Variants in ACVR2B observed in about 807,000 individuals in gnomAD.
ACVR2B encodes the protein activin A receptor type 2B.
A neutral mutation model predicts 65.1 loss-of-function variants in ACVR2B; 18 were observed. The ratio of observed to expected loss-of-function variants is 0.28; its 90% CI spans 0.19 to 0.41. ACVR2B has a LOEUF of 0.41. Ranked by LOEUF, ACVR2B falls within the 10% of genes least tolerant of loss-of-function variation. The probability of loss-of-function intolerance (pLI) is 1.00; values close to 1 mark genes in which losing one functional copy is unlikely to be tolerated. For synonymous variants in ACVR2B, 298 were observed against 277.7 expected (o/e 1.07, Z -0.73); for missense variants, 482 against 682.7 (o/e 0.71, Z 3.28).
chr3:38,459,430 C>T (rs373852294), intron 1 of ACVR2B: 14 of 218,384 alleles, frequency 6.4e-5, no homozygotes, highest in Non-Finnish European at 1.0e-4. Context: ...CTCTTCCTCC[C>T]GTACACGCAG....
intron 1 of ACVR2B, among the ~76,000 whole-genome samples, chr3:38,459,233 G>A (rs549469158): frequency 1.7e-4 from 26 of 152,330 alleles, no homozygotes; most frequent in African/African-American, 5.5e-4. Flanking sequence ...TGCTCAGCAC[G>A]TGAGAGTTTG....
rs1710015660 is a variant in ACVR2B, at chr3:38,481,394, G to A, written c.1003G>A (p.Ala335Thr). The A allele has an allele frequency of 6.2e-7, 1 of 1,614,244 alleles. No individual in the cohort carries two copies. The highest frequency in any genetic ancestry group is 8.5e-7 in the Non-Finnish European group (1 of 1,180,046). Residue 335 changes from alanine (A) to threonine (T), a missense_variant, in exon 8 of 11, where the codon GCC becomes ACC. Ala to Thr is a moderately conservative substitution (Grantham distance 58). Transcript: ENST00000352511. The surrounding 1 kb of genome is among the most constrained non-coding windows in gnomAD (Gnocchi z 4.7). ...TGTATTGCTGAAGAGCGACCTCACA[G>A]CCGTGCTGGCTGACTTTGGCTTGGC... ...KNVLLKSDLT[A>T]VLADFGLAVR...
At position 38,481,741 on chromosome 3, in the gene ACVR2B, T is replaced by G. The variant is rs997548529; in HGVS notation, c.1074+276T>G. ...TGCAATCTTAGTCTTTCTCTCACTT[T>G]TTTAGTTTTAATTCCTAAGACAAAA... On this transcript the variant is annotated intron_variant, in intron 8 of 10. Coordinates refer to ENST00000352511, the MANE Select transcript of ACVR2B (RefSeq NM_001106.4). The surrounding 1 kb of genome is among the most constrained non-coding windows in gnomAD (Gnocchi z 4.7). Among the ~76,000 whole-genome samples the G allele has an allele frequency of 1.1e-4, 16 of 152,254 alleles. No individual in the cohort carries two copies. The highest frequency in any genetic ancestry group is 3.9e-4 in the African/African-American group (16 of 41,462).
At chr3:38,455,303 G>A (rs1327396820) in intron 1 of ACVR2B, among the ~76,000 whole-genome samples, 1 of 152,168 alleles carries the variant, frequency 6.6e-6, no homozygotes, top group East Asian at 1.9e-4. Context: ...CCAGTCCTGG[G>A]AAACGTGGGG....
At position 38,483,533 on chromosome 3, in the gene ACVR2B, C is replaced by T. The variant is rs191775021; in HGVS notation, c.*201C>T. The stretch of plus-strand genomic sequence containing the variant: ...TTTTTTGGATTGGATCAGTTTTTAC[C>T]AGCATATTGCTCTACTGTATCACAA... On this transcript the variant is annotated 3_prime_UTR_variant, in exon 11 of 11. Transcript: ENST00000352511. The surrounding 1 kb of genome is among the most constrained non-coding windows in gnomAD (Gnocchi z 4.8). 9.5e-6 allele frequency: 2 copies of T among 211,042 alleles called. No homozygotes were observed. Among genetic ancestry groups the T allele is most frequent in the South Asian group, 1.6e-4 (1 of 6,216 alleles). 13.1% of individuals were successfully genotyped at this position (211,042 alleles called of 1,614,324 possible). A position where few individuals can be genotyped will look rare whatever the true frequency, so the allele number is the denominator to read the frequency against.
intron 1 of ACVR2B, among the ~76,000 whole-genome samples, chr3:38,458,092 G>C (rs891552720): frequency 6.6e-6 from 1 of 152,146 alleles, no homozygotes; most frequent in African/African-American, 2.4e-5. Flanking sequence ...CCTATAGCTG[G>C]GTAAAAACAT....
Position 38,482,356 on chromosome 3 carries a change from T to G in ACVR2B, c.1213+20T>G. 6.2e-7 allele frequency: 1 copy of G among 1,609,668 alleles called. No homozygotes were observed. On this transcript the variant is annotated intron_variant, in intron 9 of 10. Coordinates refer to ENST00000352511, the MANE Select transcript of ACVR2B (RefSeq NM_001106.4). ...CAGACGGTAAGTAGGATGGCAGCCC[T>G]GGGCATCCTAGATTGAGTGATAGGG...
In ACVR2B at chr3:38,479,121, G is replaced by A; in HGVS notation, c.667-7G>A. 6.2e-7 allele frequency: 1 copy of A among 1,614,090 alleles called. No homozygotes were observed. Among genetic ancestry groups the A allele is most frequent in the Non-Finnish European group, 8.5e-7 (1 of 1,180,008 alleles). On this transcript the variant is annotated splice_region_variant and splice_polypyrimidine_tract_variant and intron_variant, in intron 5 of 10. Transcript: ENST00000352511. Reference sequence around the variant, plus strand: ...TTGTCCCCCCAACCCCTCGCCCCCGGCCTCAGGACAAGCAGTCGTGGCAGA... The same window carrying A: ...TTGTCCCCCCAACCCCTCGCCCCCGACCTCAGGACAAGCAGTCGTGGCAGA...
Position 38,454,223 on chromosome 3 carries a change from G to C in ACVR2B, c.-100G>C. ...AGGGAACGAGACCGAAGGAAGGAGC[G>C]GGAAGGAGAGCGCAGCCGCCGCCTG... On this transcript the variant is annotated 5_prime_UTR_variant, in exon 1 of 11. Transcript: ENST00000352511. The C allele has an allele frequency of 3.4e-6, 3 of 876,124 alleles. No individual in the cohort carries two copies. The highest frequency in any genetic ancestry group is 4.4e-6 in the Non-Finnish European group (3 of 686,548). The allele number at this position is 876,124 out of a possible 1,614,324, so 54.3% of individuals were successfully genotyped here. A position where few individuals can be genotyped will look rare whatever the true frequency, so the allele number is the denominator to read the frequency against.
chr3:38,486,838 G>T lies in ACVR2B; in HGVS notation c.*3506G>T, dbSNP rs1710130731. On this transcript the variant is annotated 3_prime_UTR_variant, in exon 11 of 11. Transcript: ENST00000352511. ...CCTAGTTGGAGAAATCCAGTAATGA[G>T]CAGAAGGAGGAAGCAAGTGAGGACA... 1 of 152,364 alleles carries T rather than the reference G, an allele frequency of 6.6e-6. No homozygotes were observed. The highest frequency in any genetic ancestry group is 1.5e-5 in the Non-Finnish European group (1 of 68,144). 9.4% of individuals were successfully genotyped at this position (152,364 alleles called of 1,614,324 possible). A position where few individuals can be genotyped will look rare whatever the true frequency, so the allele number is the denominator to read the frequency against.
At chr3:38,459,676 G>C (rs1163679525) in intron 1 of ACVR2B, 3 of 985,284 alleles carry the variant, frequency 3.0e-6, no homozygotes, top group Non-Finnish European at 3.6e-6. Context: ...CAGGTGGGCA[G>C]CCTCTCCCCA....
intron 1 of ACVR2B, among the ~76,000 whole-genome samples, chr3:38,457,019 A>G (rs1479543236): frequency 2.6e-5 from 4 of 152,154 alleles, no homozygotes; most frequent in Non-Finnish European, 5.9e-5. Flanking sequence ...ATCCTGGCCA[A>G]CGTGGTGAAA....
In ACVR2B at chr3:38,468,865, A is replaced by G. The variant is rs184341802; in HGVS notation, c.53-8422A>G. ...CAGTTTTAGTGGGACTACAAGAGGG[A>G]GCAAAAAGGAAATGTTTGTGTATAA... On this transcript the variant is annotated intron_variant, in intron 1 of 10. Transcript: ENST00000352511. 1.5e-3 allele frequency among the ~76,000 whole-genome samples: 229 copies of G among 152,322 alleles called. 2 individuals are homozygous for G. Among genetic ancestry groups the G allele is most frequent in the Middle Eastern group, 3.4e-3 (1 of 294 alleles).
At position 38,482,543 on chromosome 3, in the gene ACVR2B, C is replaced by T; in HGVS notation, c.1327C>T (p.His443Tyr). Residue 443 changes from histidine (H) to tyrosine (Y), a missense_variant, in exon 10 of 11, where the codon CAC becomes TAC. Transcript: ENST00000352511. The part of the protein sequence containing the change: ...HKKMRPTIKD[H>Y]WLKHPGLAQL... ...GAAGATGAGGCCCACCATTAAAGAT[C>T]ACTGGTTGAAACACCCGGTAAGGGG... The T allele has an allele frequency of 6.2e-7, 1 of 1,611,046 alleles. No homozygotes were observed. Among genetic ancestry groups the T allele is most frequent in the Middle Eastern group, 2.1e-4 (1 of 4,794 alleles).
intron 1 of ACVR2B, among the ~76,000 whole-genome samples, chr3:38,472,054 T>TA (rs1303273465): frequency 2.8e-4 from 43 of 152,228 alleles, no homozygotes; most frequent in Admixed American, 2.8e-3. Context: ...TCCCCTATTG[T>TA]ACATGCCGCT....
chr3:38,491,663 TG>T lies in ACVR2B; in HGVS notation c.*8334del, dbSNP rs886058424. On this transcript the variant is annotated 3_prime_UTR_variant, in exon 11 of 11. Transcript: ENST00000352511. ...GTCCAAGTCATCATGAAAGGCCGAC[TG>T]GGAGCAAGTGATTATTAGAGATTCT... 10 of 152,338 alleles carry T rather than the reference TG, an allele frequency of 6.6e-5. 1 individual carries two copies. In the South Asian group the frequency reaches 2.1e-3, roughly 32 times the overall value. 9.4% of individuals were successfully genotyped at this position (152,338 alleles called of 1,614,324 possible).
intron 1 of ACVR2B, among the ~76,000 whole-genome samples, chr3:38,472,149 CTT>C (rs1575584256): frequency 6.6e-6 from 1 of 152,122 alleles, no homozygotes; most frequent in East Asian, 1.9e-4. Flanking sequence ...CCATCTGTCT[CTT>C]CAGGTTCCCT....
Position 38,489,183 on chromosome 3 carries a change from G to C in ACVR2B, c.*5851G>C, listed in dbSNP as rs1250371926. 2 of 152,544 alleles carry C rather than the reference G, an allele frequency of 1.3e-5. No homozygotes were observed. Among genetic ancestry groups the C allele is most frequent in the Non-Finnish European group, 2.9e-5 (2 of 68,040 alleles). 9.4% of individuals were successfully genotyped at this position (152,544 alleles called of 1,614,324 possible). A position where few individuals can be genotyped will look rare whatever the true frequency, so the allele number is the denominator to read the frequency against. On this transcript the variant is annotated 3_prime_UTR_variant, in exon 11 of 11. Transcript: ENST00000352511. ...TAATCATGTTTGCGTCAGAATGTTAGCATTGTAAATAAAAGAATAGGTTGT... is the reference window on the plus strand; with the variant it reads ...TAATCATGTTTGCGTCAGAATGTTACCATTGTAAATAAAAGAATAGGTTGT...
intron 1 of ACVR2B, among the ~76,000 whole-genome samples, chr3:38,457,116 A>G (rs748563099): frequency 6.6e-5 from 10 of 152,206 alleles, no homozygotes; most frequent in Non-Finnish European, 1.2e-4. Context: ...AGGCAGGGGA[A>G]TGGCATGAAC....
Sources: gnomAD v4.1 joint callset for allele counts (sites outside exome capture counted in the v4.1 genomes callset) on GRCh38, gnomAD v4.1.1 for gene constraint, Gnocchi (gnomAD v3.1) non-coding constraint, MANE v1.5 for transcripts, NCBI Gene and HGNC (gene_info 2026-07-23, HGNC 2026-07-21) for gene names.